CHMP4B: variants seen among roughly 807,000 people sequenced by gnomAD.
CHMP4B encodes charged multivesicular body protein 4B.
In CHMP4B, 1 loss-of-function variant was observed where a neutral mutation model predicts 25.1. The observed-to-expected ratio is 0.04, with a 90% CI of 0.01 to 0.19. The LOEUF (loss-of-function observed/expected upper bound fraction) is 0.19. Among genes scored for constraint, CHMP4B ranks in the 10% least tolerant of loss-of-function variants. CHMP4B has a pLI of 1.00. For missense variants in CHMP4B, 151 were observed against 289.7 expected (o/e 0.52, Z 3.48); for synonymous variants, 101 against 115.6 (o/e 0.87, Z 0.81).
intron 1 of CHMP4B, among the ~76,000 whole-genome samples, chr20:33,839,489 G>A (rs1196650991): frequency 6.6e-6 from 1 of 152,160 alleles, no homozygotes; most frequent in Non-Finnish European, 1.5e-5. Flanking sequence ...GGTAATAATG[G>A]TTGGATTTTT....
chr20:33,824,598 C>G (rs1979036014), intron 1 of CHMP4B, among the ~76,000 whole-genome samples: 1 of 152,212 alleles, frequency 6.6e-6, no homozygotes, highest in Non-Finnish European at 1.5e-5. Context: ...GTGCATTTCC[C>G]TGCCAGGTTT....
rs1467808230 is a variant in CHMP4B, at chr20:33,852,219, G to T, written c.610+16G>T. 2 of 1,614,048 alleles carry T rather than the reference G, an allele frequency of 1.2e-6. No homozygotes were observed. The highest frequency in any genetic ancestry group is 1.7e-5 in the Admixed American group (1 of 60,022). Reference sequence around the variant, plus strand: ...TCAAAACCCGGTGAGTGCTTCTAGAGTCATGGCACACCGTGAGGTCATGTG... The same window carrying T: ...TCAAAACCCGGTGAGTGCTTCTAGATTCATGGCACACCGTGAGGTCATGTG... On this transcript the variant is annotated intron_variant, in intron 4 of 4. Coordinates refer to ENST00000217402, the MANE Select transcript of CHMP4B (RefSeq NM_176812.5).
chr20:33,830,154 G>A (rs777103296), intron 1 of CHMP4B, among the ~76,000 whole-genome samples: 1 of 152,210 alleles, frequency 6.6e-6, no homozygotes, highest in African/African-American at 2.4e-5. Flanking sequence ...GCTGGGAGAG[G>A]GTGGTGGTGA....
chr20:33,828,390 A>G (rs1256253885), intron 1 of CHMP4B, among the ~76,000 whole-genome samples: 1 of 152,226 alleles, frequency 6.6e-6, no homozygotes, highest in Non-Finnish European at 1.5e-5. Context: ...CAACCCTGCC[A>G]GAATAGTTTT....
intron 2 of CHMP4B, among the ~76,000 whole-genome samples, chr20:33,849,323 G>A (rs1979775058): frequency 6.6e-6 from 1 of 152,206 alleles, no homozygotes; most frequent in South Asian, 2.1e-4. Context: ...TTTGGGCTGG[G>A]TGAGGTGGCT....
At position 33,811,363 on chromosome 20, in the gene CHMP4B, G is replaced by T. The variant is rs1044649210; in HGVS notation, c.-106G>T. The T allele has an allele frequency of 3.1e-6, 3 of 973,762 alleles. No homozygotes were observed. Among genetic ancestry groups the T allele is most frequent in the East Asian group, 3.8e-5 (1 of 26,572 alleles). 60.3% of individuals were successfully genotyped at this position (973,762 alleles called of 1,614,324 possible). On this transcript the variant is annotated 5_prime_UTR_variant, in exon 1 of 5. Coordinates refer to ENST00000217402, the MANE Select transcript of CHMP4B (RefSeq NM_176812.5). ...CGGAGGCGGAGGAGAGGCCTGCGGC[G>T]GCAGGGAGCGGCGGGACTGGGAGCG... is the stretch of plus-strand genomic sequence containing the variant.
chr20:33,835,826 G>T lies in CHMP4B; in HGVS notation c.191-12641G>T, dbSNP rs1270129768. Among the ~76,000 whole-genome samples the T allele has an allele frequency of 2.0e-5, 3 of 152,362 alleles. No individual in the cohort carries two copies. The East Asian group carries it at 5.8e-4, about 29-fold the overall frequency. ...GCTGCATCCACTCATGGTGGAAGGC[G>T]AAGGGGAGCTTATGTGTGTGGCGAG... is the stretch of plus-strand genomic sequence containing the variant. On this transcript the variant is annotated intron_variant, in intron 1 of 4. Coordinates refer to ENST00000217402, the MANE Select transcript of CHMP4B (RefSeq NM_176812.5).
At chr20:33,842,660 G>T (rs1400234542) in intron 1 of CHMP4B, among the ~76,000 whole-genome samples, 1 of 152,218 alleles carries the variant, frequency 6.6e-6, no homozygotes, top group Non-Finnish European at 1.5e-5. Flanking sequence ...AGGACCTCAG[G>T]AGTGTGTTCA....
At chr20:33,832,835 T>A (rs1337529044) in intron 1 of CHMP4B, among the ~76,000 whole-genome samples, 1 of 151,126 alleles carries the variant, frequency 6.6e-6, no homozygotes, top group Non-Finnish European at 1.5e-5. Flanking sequence ...CTGGAGTGCA[T>A]TGGCGCAATC....
At chr20:33,849,741 C>G (rs910418822) in intron 2 of CHMP4B, among the ~76,000 whole-genome samples, 3 of 152,118 alleles carry the variant, frequency 2.0e-5, no homozygotes, top group African/African-American at 4.8e-5. Flanking sequence ...GGAAAATGCA[C>G]CCTATGGGCT....
intron 1 of CHMP4B, among the ~76,000 whole-genome samples, chr20:33,847,241 G>A (rs1256925957): frequency 6.6e-6 from 1 of 151,898 alleles, no homozygotes; most frequent in South Asian, 2.1e-4. Flanking sequence ...CCCTCTTCCT[G>A]GCACAGATAC....
intron 1 of CHMP4B, among the ~76,000 whole-genome samples, chr20:33,823,393 T>C (rs1979000187): frequency 1.3e-5 from 2 of 151,844 alleles, no homozygotes; most frequent in African/African-American, 2.4e-5. Context: ...TGATATTCCA[T>C]AGGATCTCAG....
intron 1 of CHMP4B, among the ~76,000 whole-genome samples, chr20:33,818,462 A>G (rs1440358586): frequency 2.0e-5 from 3 of 152,212 alleles, no homozygotes; most frequent in African/African-American, 7.2e-5. Context: ...CAGGATTTAT[A>G]TTAGGTGCCC....
intron 2 of CHMP4B, among the ~76,000 whole-genome samples, chr20:33,849,623 A>C (rs1185188566): frequency 6.6e-6 from 1 of 150,562 alleles, no homozygotes; most frequent in Non-Finnish European, 1.5e-5. Flanking sequence ...AATAAAAAAT[A>C]AAAAATCTGC....
At chr20:33,834,402 C>T (rs1166150745) in intron 1 of CHMP4B, among the ~76,000 whole-genome samples, 1 of 152,124 alleles carries the variant, frequency 6.6e-6, no homozygotes, top group Non-Finnish European at 1.5e-5. Context: ...CCTCAAACTC[C>T]TGGGCTCAAG....
At chr20:33,828,288 T>C (rs532198162) in intron 1 of CHMP4B, among the ~76,000 whole-genome samples, 1 of 152,326 alleles carries the variant, frequency 6.6e-6, no homozygotes, top group African/African-American at 2.4e-5. Flanking sequence ...AAGGGAAAGC[T>C]GGGACTGGAA....
At chr20:33,825,360 A>G (rs1237596054) in intron 1 of CHMP4B, among the ~76,000 whole-genome samples, 1 of 152,094 alleles carries the variant, frequency 6.6e-6, no homozygotes, top group Non-Finnish European at 1.5e-5. Flanking sequence ...TGTGTGATAT[A>G]TTCATCATTT....
chr20:33,839,715 A>G (rs970666792), intron 1 of CHMP4B, among the ~76,000 whole-genome samples: 1 of 152,152 alleles, frequency 6.6e-6, no homozygotes, highest in Non-Finnish European at 1.5e-5. Context: ...AGGCTCAGGC[A>G]GAAGCAGGCC....
intron 1 of CHMP4B, among the ~76,000 whole-genome samples, chr20:33,836,700 C>A (rs184602808): frequency 1.2e-3 from 182 of 152,234 alleles, no homozygotes; most frequent in African/African-American, 4.1e-3. Context: ...ACTCCAGCTG[C>A]GTTGGTCTCC....
Sources: allele counts gnomAD v4.1 joint callset (sites outside exome capture counted in the v4.1 genomes callset), GRCh38; gene constraint gnomAD v4.1.1; transcripts MANE v1.5; gene names NCBI Gene and HGNC (gene_info 2026-07-23, HGNC 2026-07-21).